Variants in SOX6 observed in about 807,000 individuals in gnomAD.
SOX6 encodes transcription factor SOX-6.
A neutral mutation model predicts 97.8 loss-of-function variants in SOX6; 11 were observed. That is an observed-to-expected ratio of 0.11 (90% CI 0.07 to 0.19). SOX6 has a LOEUF of 0.19. Among genes scored for constraint, SOX6 ranks in the 10% least tolerant of loss-of-function variants. SOX6 has a pLI of 1.00. For missense variants in SOX6, 810 were observed against 1,039.5 expected (o/e 0.78, Z 3.04); for synonymous variants, 360 against 371.4 (o/e 0.97, Z 0.35).
intron 4 of SOX6, among the ~76,000 whole-genome samples, chr11:16,564,142 G>T (rs936241694): frequency 6.6e-6 from 1 of 152,072 alleles, no homozygotes; most frequent in East Asian, 1.9e-4. Context: ...CAAAATAAAA[G>T]AAATGTTGAA....
intron 14 of SOX6, 134 bp from the exon 15 acceptor site, chr11:15,986,554 G>T: frequency 1.3e-6 from 1 of 769,194 alleles, no homozygotes; most frequent in South Asian, 1.5e-5. Context: ...ACCACTGGCT[G>T]TCCCAACTAT....
At chr11:16,474,581 A>T (rs1481040431) in intron 1 of SOX6, among the ~76,000 whole-genome samples, 1 of 152,164 alleles carries the variant, frequency 6.6e-6, no homozygotes, top group Non-Finnish European at 1.5e-5. Context: ...CTCTAAGGGA[A>T]TCTTTTTTTC....
At position 16,129,301 on chromosome 11, in the gene SOX6, G is replaced by A. The variant is rs1174028096; in HGVS notation, c.778-17378C>T. Among the ~76,000 whole-genome samples the A allele has an allele frequency of 4.6e-5, 7 of 151,972 alleles. No homozygotes were observed. In the East Asian group the frequency reaches 1.4e-3, roughly 29 times the overall value. ...AGGATGAAAGCAAATCTCACTTCTG[G>A]CAAAATTGATACAAAATTTTATTTT... On this transcript the variant is annotated intron_variant, in intron 6 of 15. Transcript: ENST00000683767.
chr11:16,009,809 T>C (rs1167671288), intron 13 of SOX6, among the ~76,000 whole-genome samples: 1 of 152,006 alleles, frequency 6.6e-6, no homozygotes, highest in Non-Finnish European at 1.5e-5. Context: ...TATATGCAGT[T>C]ATAGCATTTA....
At chr11:16,185,934 A>T (rs943623480) in intron 5 of SOX6, among the ~76,000 whole-genome samples, 1 of 152,166 alleles carries the variant, frequency 6.6e-6, no homozygotes, top group East Asian at 1.9e-4. Context: ...AATACATTTA[A>T]CTGAAAAGAT....
intron 12 of SOX6, among the ~76,000 whole-genome samples, chr11:16,016,737 G>T (rs765598686): frequency 1.2e-4 from 18 of 152,048 alleles, no homozygotes; most frequent in Non-Finnish European, 2.2e-4. Context: ...TAGTACCAGG[G>T]AAAGCAAAAT....
intron 6 of SOX6, among the ~76,000 whole-genome samples, chr11:16,164,005 G>GAGGCA (rs1372251857): frequency 6.6e-6 from 1 of 152,118 alleles, no homozygotes; most frequent in East Asian, 1.9e-4. Flanking sequence ...TTTTGTTTTT[G>GAGGCA]AGGCAAGGTC....
At chr11:16,362,004 T>G (rs926488636) in intron 1 of SOX6, among the ~76,000 whole-genome samples, 1 of 152,200 alleles carries the variant, frequency 6.6e-6, no homozygotes, top group Admixed American at 6.6e-5. Context: ...TCAGTAGAAT[T>G]ATCATCTCTA....
chr11:16,269,000 A>G (rs1315435369), intron 3 of SOX6, among the ~76,000 whole-genome samples: 1 of 150,514 alleles, frequency 6.6e-6, no homozygotes, highest in African/African-American at 2.4e-5. Flanking sequence ...CCTTTCATTC[A>G]AGAGAAATTC....
chr11:16,030,550 C>T (rs1276632276), intron 12 of SOX6, among the ~76,000 whole-genome samples: 1 of 152,058 alleles, frequency 6.6e-6, no homozygotes, highest in Non-Finnish European at 1.5e-5. Context: ...ATTAAATTAC[C>T]TTTTAAAATT....
At chr11:16,616,914 T>G (rs543104427) in intron 3 of SOX6, among the ~76,000 whole-genome samples, 1 of 152,068 alleles carries the variant, frequency 6.6e-6, no homozygotes, top group East Asian at 1.9e-4. Context: ...CTTTTAATTT[T>G]AAATCAGTTC....
rs570687663 is a variant in SOX6 at position 16,236,994 on chromosome 11, G to GA, written c.446-2324dup. Among the ~76,000 whole-genome samples, 276 of 151,958 alleles carry GA rather than the reference G, an allele frequency of 1.8e-3. 3 individuals are homozygous for GA. Among genetic ancestry groups the GA allele is most frequent in the South Asian group, 0.015 (74 of 4,818 alleles). ...CCCATTTCAGTAGAAGAAATTGAGG[G>GA]AAAAAATAAAGCAGCCTTTGCATAT... On this transcript the variant is annotated intron_variant, in intron 3 of 15. Coordinates refer to ENST00000683767, the MANE Select transcript of SOX6 (RefSeq NM_001367873.1).
At chr11:16,082,567 C>T (rs1362408539) in intron 9 of SOX6, among the ~76,000 whole-genome samples, 1 of 152,136 alleles carries the variant, frequency 6.6e-6, no homozygotes, top group Non-Finnish European at 1.5e-5. Flanking sequence ...CTTGGCTTTG[C>T]TTCAGTCTTA....
chr11:16,614,079 A>C (rs902635199), intron 3 of SOX6, among the ~76,000 whole-genome samples: 1 of 152,206 alleles, frequency 6.6e-6, no homozygotes, highest in African/African-American at 2.4e-5. Flanking sequence ...CTCCCAGCAA[A>C]GTATAAAGCT....
rs745954076 is a variant in SOX6, at chr11:16,341,258, G to GA, written c.-4-7dup. ...CTTGCTTGGAAGACATTCTTCTGCAGAAAAAAAACAGAACGGATTAAAAAT... is the reference window on the plus strand; with the variant it reads ...CTTGCTTGGAAGACATTCTTCTGCAGAAAAAAAAACAGAACGGATTAAAAAT... On this transcript the variant is annotated splice_region_variant and splice_polypyrimidine_tract_variant and intron_variant, in intron 1 of 15. Coordinates refer to ENST00000683767, the MANE Select transcript of SOX6 (RefSeq NM_001367873.1). 5.3e-5 allele frequency: 85 copies of GA among 1,609,068 alleles called. No individual in the cohort carries two copies. The Middle Eastern group carries it at 8.3e-4, about 16-fold the overall frequency.
chr11:16,071,429 C>T (rs1168749895), intron 9 of SOX6, among the ~76,000 whole-genome samples: 1 of 152,222 alleles, frequency 6.6e-6, no homozygotes, highest in Non-Finnish European at 1.5e-5. Flanking sequence ...GGGTGGATGA[C>T]TCTACTCAAC....
At chr11:16,404,439 CAT>C (rs148392865) in intron 1 of SOX6, among the ~76,000 whole-genome samples, 1,819 of 151,956 alleles carry the variant, frequency 0.012, 35 homozygotes, top group African/African-American at 0.042. Context: ...ATTTCATAAG[CAT>C]TTATTAAATA....
intron 3 of SOX6, chr11:16,312,068 G>A (rs951530852): frequency 1.3e-5 from 2 of 152,102 alleles, no homozygotes; most frequent in Non-Finnish European, 2.9e-5. Flanking sequence ...ACAGTAAAAT[G>A]AATCCACATA....
At chr11:16,592,641 T>C (rs796619111) in intron 4 of SOX6, among the ~76,000 whole-genome samples, 5 of 152,210 alleles carry the variant, frequency 3.3e-5, no homozygotes, top group African/African-American at 1.2e-4. Context: ...ACTTGTTAAA[T>C]GAGCAAAATT....
Sources: gnomAD v4.1 joint callset for allele counts (sites outside exome capture counted in the v4.1 genomes callset) on GRCh38, gnomAD v4.1.1 for gene constraint, MANE v1.5 for transcripts, NCBI Gene and HGNC (gene_info 2026-07-23, HGNC 2026-07-21) for gene names.